Variants in RANBP2 observed in about 807,000 individuals in gnomAD.
The protein encoded by RANBP2 is RAN binding protein 2.
In RANBP2, 57 loss-of-function variants were observed where a neutral mutation model predicts 303.6. The observed-to-expected ratio is 0.19, with a 90% CI of 0.15 to 0.23. The LOEUF is 0.23. RANBP2 is among the 10% of genes least tolerant of loss of function. The probability of loss-of-function intolerance (pLI) is 1.00; values close to 1 mark genes in which losing one functional copy is unlikely to be tolerated. For synonymous variants in RANBP2, 1,167 were observed against 1,301.5 expected, an observed-to-expected ratio of 0.90 and a Z score of 2.23; for missense variants, 3,138 against 3,780.8, an observed-to-expected ratio of 0.83 and a Z score of 4.46.
At chr2:109,118,457 C>T in the RANBP2 span, among the ~76,000 whole-genome samples, 3 of 150,742 alleles carry the variant, frequency 2.0e-5, no homozygotes, top group Non-Finnish European at 4.4e-5. Flanking sequence ...ATGAAATGTA[C>T]ACTGACACAC....
the RANBP2 span, among the ~76,000 whole-genome samples, chr2:108,987,504 A>G: frequency 6.6e-6 from 1 of 152,368 alleles, no homozygotes; most frequent in East Asian, 1.9e-4. Context: ...ACAAATGTGT[A>G]TGCCCAACAA....
the RANBP2 span, among the ~76,000 whole-genome samples, chr2:108,950,193 T>TTCCC: frequency 2.0e-5 from 3 of 151,738 alleles, no homozygotes; most frequent in Non-Finnish European, 2.9e-5. Context: ...TTCTCTTTCC[T>TTCCC]TCCCTCCCTA....
At chr2:109,079,760 T>A in the RANBP2 span, among the ~76,000 whole-genome samples, 1 of 152,166 alleles carries the variant, frequency 6.6e-6, no homozygotes, top group African/African-American at 2.4e-5. Flanking sequence ...CAGCCTGGGT[T>A]GGGGAGGCTC....
chr2:109,588,945 G>A, the RANBP2 span, among the ~76,000 whole-genome samples: 5 of 150,462 alleles, frequency 3.3e-5, no homozygotes, highest in East Asian at 9.8e-4. Context: ...TCCAAAAGAA[G>A]GTAGGAAAGA....
At chr2:109,481,601 G>A in the RANBP2 span, among the ~76,000 whole-genome samples, 4 of 152,182 alleles carry the variant, frequency 2.6e-5, no homozygotes, top group South Asian at 2.1e-4. Flanking sequence ...CTAAACGTGC[G>A]CTTCATCCCT....
At chr2:108,917,815 C>T in the RANBP2 span, among the ~76,000 whole-genome samples, 2 of 152,198 alleles carry the variant, frequency 1.3e-5, no homozygotes, top group South Asian at 2.1e-4. Flanking sequence ...AAGTGCCAAC[C>T]TTGGGCAGCA....
At chr2:109,672,360 C>A in the RANBP2 span, among the ~76,000 whole-genome samples, 7 of 152,162 alleles carry the variant, frequency 4.6e-5, no homozygotes, top group African/African-American at 1.7e-4. Flanking sequence ...TTGAGTGAAC[C>A]ATATACCCTT....
the RANBP2 span, among the ~76,000 whole-genome samples, chr2:109,093,858 G>A: frequency 8.5e-5 from 13 of 152,246 alleles, no homozygotes; most frequent in East Asian, 2.5e-3. Flanking sequence ...GGACTCCTGG[G>A]GAAAATCAGA....
At chr2:108,806,855 G>A in the RANBP2 span, among the ~76,000 whole-genome samples, 1 of 152,194 alleles carries the variant, frequency 6.6e-6, no homozygotes, top group Non-Finnish European at 1.5e-5. Flanking sequence ...GAGGAGGCAA[G>A]GATTAATGTT....
chr2:108,978,223 C>G, the RANBP2 span, among the ~76,000 whole-genome samples: 37 of 152,278 alleles, frequency 2.4e-4, no homozygotes, highest in African/African-American at 7.2e-4. Flanking sequence ...AGGAACTCAT[C>G]ATTGGTCTAT....
the RANBP2 span, among the ~76,000 whole-genome samples, chr2:109,658,762 C>T: frequency 6.6e-6 from 1 of 151,834 alleles, no homozygotes; most frequent in African/African-American, 2.4e-5. Flanking sequence ...GAAACCCCGT[C>T]TCTACTAAAG....
the RANBP2 span, among the ~76,000 whole-genome samples, chr2:109,507,109 C>T: frequency 9.9e-5 from 15 of 152,280 alleles, no homozygotes; most frequent in South Asian, 2.1e-4. Context: ...CTGGGCAAAA[C>T]GCTAGCAGGG....
chr2:109,723,821 T>C, the RANBP2 span, among the ~76,000 whole-genome samples: 3 of 152,236 alleles, frequency 2.0e-5, no homozygotes, highest in African/African-American at 4.8e-5. Flanking sequence ...CTTTTGGCGT[T>C]TTCATTATGA....
chr2:109,667,103 A>G, the RANBP2 span: 178 of 926,710 alleles, frequency 1.9e-4, 2 homozygotes, highest in South Asian at 2.4e-3. Context: ...ATCTAAATAT[A>G]TCCCAGTTTT....
the RANBP2 span, chr2:108,847,034 G>T: frequency 4.4e-6 from 3 of 687,744 alleles, no homozygotes; most frequent in East Asian, 8.0e-5. Flanking sequence ...TCAGAATGAG[G>T]TTTTGAATTG....
the RANBP2 span, among the ~76,000 whole-genome samples, chr2:109,293,949 T>C: frequency 6.6e-6 from 1 of 152,154 alleles, no homozygotes; most frequent in East Asian, 1.9e-4. Context: ...CTCTATGTTC[T>C]CCAAGAGCTT....
the RANBP2 span, among the ~76,000 whole-genome samples, chr2:109,399,932 G>A: frequency 2.9e-4 from 44 of 152,204 alleles, no homozygotes; most frequent in Non-Finnish European, 5.6e-4. Context: ...TCCCTGCGCT[G>A]CAGCCTTCCA....
intron 25 of RANBP2, among the ~76,000 whole-genome samples, chr2:108,780,509 C>T (rs1477723201): frequency 6.7e-6 from 1 of 149,794 alleles, no homozygotes; most frequent in Non-Finnish European, 1.5e-5. Context: ...GGATCAGTCA[C>T]CCATGACCAC....
At chr2:108,838,259 G>A in the RANBP2 span, among the ~76,000 whole-genome samples, 6 of 152,194 alleles carry the variant, frequency 3.9e-5, no homozygotes, top group East Asian at 1.2e-3. Context: ...GGTCCAGGGA[G>A]GGGCAATCTC....
Sources: allele counts gnomAD v4.1 joint callset (sites outside exome capture counted in the v4.1 genomes callset), GRCh38; gene constraint gnomAD v4.1.1; transcripts MANE v1.5; gene names NCBI Gene and HGNC (gene_info 2026-07-23, HGNC 2026-07-21).